The following MCTP2 variants were observed in gnomAD, a reference collection of about 807,000 sequenced individuals.
MCTP2 encodes multiple C2 and transmembrane domain-containing protein 2.
A neutral mutation model predicts 111.6 loss-of-function variants in MCTP2; 132 were observed. The observed-to-expected ratio is 1.18, with a 90% CI of 1.03 to 1.37. MCTP2 has a LOEUF of 1.37. Among genes scored for constraint, MCTP2 ranks in the 40% most tolerant of loss-of-function variants. The pLI is 0.00. For synonymous variants in MCTP2, 395 were observed against 387.7 expected, an observed-to-expected ratio of 1.02 and a Z score of -0.22; for missense variants, 1,183 against 1,067.9, an observed-to-expected ratio of 1.11 and a Z score of -1.50.
Position 94,345,117 on chromosome 15 carries a change from A to C in MCTP2, c.970-12A>C. ...TTGCCATTTTCACCATTCCGCGGAC[A>C]CAAATCTTTAGCGTTGGTCAAATCG... On this transcript the variant is annotated splice_polypyrimidine_tract_variant and intron_variant, in intron 7 of 22. Coordinates refer to ENST00000357742, the MANE Select transcript of MCTP2 (RefSeq NM_001385001.1). 4 of 1,612,598 alleles carry C rather than the reference A, an allele frequency of 2.5e-6. No individual in the cohort carries two copies. The highest frequency in any genetic ancestry group is 3.4e-6 in the Non-Finnish European group (4 of 1,178,948).
intron 1 of MCTP2, among the ~76,000 whole-genome samples, chr15:94,240,230 A>G (rs982646741): frequency 6.6e-6 from 1 of 152,132 alleles, no homozygotes; most frequent in African/African-American, 2.4e-5. Flanking sequence ...TAATCCTCTT[A>G]GGAACCCTAT....
intron 4 of MCTP2, among the ~76,000 whole-genome samples, chr15:94,327,144 A>AT (rs1199787265): frequency 6.6e-6 from 1 of 152,020 alleles, no homozygotes; most frequent in Admixed American, 6.5e-5. Context: ...GGAAAGTGTC[A>AT]TTTTTTATCT....
chr15:94,258,678 A>G (rs1235390635), intron 1 of MCTP2, among the ~76,000 whole-genome samples: 3 of 152,118 alleles, frequency 2.0e-5, no homozygotes, highest in East Asian at 3.8e-4. Flanking sequence ...AATCTTGTCT[A>G]TTTCATCTTG....
intron 17 of MCTP2, among the ~76,000 whole-genome samples, chr15:94,428,003 C>T (rs181184556): frequency 5.3e-5 from 8 of 152,268 alleles, no homozygotes; most frequent in Admixed American, 5.2e-4. Flanking sequence ...TTTTGCTTTT[C>T]TCTATTTAAA....
intron 10 of MCTP2, among the ~76,000 whole-genome samples, chr15:94,365,583 C>T (rs935237095): frequency 6.6e-6 from 1 of 152,070 alleles, no homozygotes; most frequent in African/African-American, 2.4e-5. Flanking sequence ...CACAGTTATT[C>T]CAATTATGGT....
chr15:94,297,110 A>G lies in MCTP2; in HGVS notation c.-65-1091A>G, dbSNP rs1192651679. ...GCCTCAGCCAAATGTGGCAAAATAC[A>G]AACAGGCCAGGTCTCAGTGTCTGCC... On this transcript the variant is annotated intron_variant, in intron 1 of 22. Transcript: ENST00000357742. 5.3e-5 allele frequency among the ~76,000 whole-genome samples: 8 copies of G among 152,316 alleles called. No homozygotes were observed. In the East Asian group the frequency reaches 1.3e-3, roughly 26 times the overall value.
chr15:94,448,915 C>T (rs2084279619), intron 19 of MCTP2, among the ~76,000 whole-genome samples: 1 of 152,188 alleles, frequency 6.6e-6, no homozygotes, highest in Non-Finnish European at 1.5e-5. Flanking sequence ...GTGGCGCACA[C>T]CTGTAGTCCC....
intron 2 of MCTP2, among the ~76,000 whole-genome samples, chr15:94,302,797 G>A (rs1049497801): frequency 1.2e-4 from 19 of 152,004 alleles, no homozygotes; most frequent in African/African-American, 2.4e-4. Flanking sequence ...GTCTTTTGTC[G>A]TCTCACATGT....
chr15:94,365,151 T>C (rs1036304), intron 10 of MCTP2, among the ~76,000 whole-genome samples: 49,562 of 152,050 alleles, frequency 0.33, 9,863 homozygotes, highest in African/African-American at 0.55. Context: ...TTTTGATTGA[T>C]ATGATGCTAA....
intron 19 of MCTP2, among the ~76,000 whole-genome samples, chr15:94,446,437 C>T (rs780012263): frequency 2.6e-5 from 4 of 152,002 alleles, no homozygotes; most frequent in South Asian, 2.1e-4. Flanking sequence ...CTTATTTGTA[C>T]GGATGGATTA....
At chr15:94,306,750 G>A (rs888506709) in intron 2 of MCTP2, among the ~76,000 whole-genome samples, 3 of 152,224 alleles carry the variant, frequency 2.0e-5, no homozygotes, top group Non-Finnish European at 2.9e-5. Flanking sequence ...GGCAGTTGGA[G>A]TTGTGAATAA....
chr15:94,446,700 T>G (rs572743798), intron 19 of MCTP2, among the ~76,000 whole-genome samples: 125 of 152,266 alleles, frequency 8.2e-4, no homozygotes, highest in Non-Finnish European at 1.6e-3. Flanking sequence ...GGGCATGTAA[T>G]AAAAGAAAAA....
intron 2 of MCTP2, among the ~76,000 whole-genome samples, chr15:94,303,639 C>A (rs1439998507): frequency 1.3e-5 from 2 of 152,054 alleles, no homozygotes; most frequent in African/African-American, 2.4e-5. Flanking sequence ...AAAGAGTTGC[C>A]CCGTGGTTCA....
rs772403830 is a variant in MCTP2 at position 94,314,264 on chromosome 15, T to TTTTCTTTTTC, written c.466-14_466-5dup. ...ATTTGCTTTTGTAAAGCAGATTTTT[T>TTTTCTTTTTC]TTTCTTTTTCTTTGCAGAAGCTATG... On this transcript the variant is annotated splice_polypyrimidine_tract_variant and intron_variant, in intron 2 of 22. Coordinates refer to ENST00000357742, the MANE Select transcript of MCTP2 (RefSeq NM_001385001.1). 1 of 1,594,434 alleles carries TTTTCTTTTTC rather than the reference T, an allele frequency of 6.3e-7. No homozygotes were observed. The highest frequency in any genetic ancestry group is 8.6e-7 in the Non-Finnish European group (1 of 1,168,886).
At chr15:94,243,872 T>C (rs1036620985) in intron 1 of MCTP2, among the ~76,000 whole-genome samples, 1 of 148,448 alleles carries the variant, frequency 6.7e-6, no homozygotes, top group African/African-American at 2.4e-5. Context: ...TACATATGTG[T>C]ATATATTTAT....
chr15:94,350,044 G>A (rs767608369), intron 8 of MCTP2, among the ~76,000 whole-genome samples: 10 of 152,134 alleles, frequency 6.6e-5, no homozygotes, highest in Non-Finnish European at 1.3e-4. Context: ...TCTTCAATCA[G>A]CAACTCTGGA....
chr15:94,339,493 A>T, intron 5 of MCTP2, 61 bp downstream of exon 5: 1 of 1,434,498 alleles, frequency 7.0e-7, no homozygotes, highest in African/African-American at 1.4e-5. Flanking sequence ...GCAGTTTCTC[A>T]TGTCCTCTTA....
chr15:94,247,248 C>T (rs895121025), intron 1 of MCTP2, among the ~76,000 whole-genome samples: 1 of 152,164 alleles, frequency 6.6e-6, no homozygotes, highest in Non-Finnish European at 1.5e-5. Flanking sequence ...ATTGGATGCA[C>T]ATCAGTCAGC....
intron 4 of MCTP2, among the ~76,000 whole-genome samples, chr15:94,338,452 C>T (rs1266310568): frequency 3.3e-5 from 5 of 151,254 alleles, no homozygotes; most frequent in Admixed American, 1.3e-4. Flanking sequence ...ATGTAACACA[C>T]GCACAATACA....
Sources: gnomAD v4.1 joint callset for allele counts (sites outside exome capture counted in the v4.1 genomes callset) on GRCh38, gnomAD v4.1.1 for gene constraint, MANE v1.5 for transcripts, NCBI Gene and HGNC (gene_info 2026-07-23, HGNC 2026-07-21) for gene names.